The following TOLLIP variants were observed in gnomAD, a reference collection of about 807,000 sequenced individuals.
TOLLIP encodes toll-interacting protein.
A neutral mutation model predicts 33.5 loss-of-function variants in TOLLIP; 16 were observed. The observed-to-expected ratio is 0.48, with a 90% confidence interval of 0.32 to 0.72. The LOEUF (loss-of-function observed/expected upper bound fraction) is 0.72. Among genes scored for constraint, TOLLIP ranks in the 30% least tolerant of loss-of-function variants. TOLLIP has a pLI of 0.03. For synonymous variants in TOLLIP, 176 were observed against 163.7 expected (o/e 1.07, Z -0.57); for missense variants, 325 against 396.6 (o/e 0.82, Z 1.53).
intron 1 of TOLLIP, chr11:1,302,764 T>C (rs1235982881): frequency 2.0e-6 from 2 of 985,592 alleles, no homozygotes; most frequent in Non-Finnish European, 2.4e-6. Flanking sequence ...GCAACTGCTC[T>C]TGGCAAGGCA....
At position 1,286,066 on chromosome 11, in the gene TOLLIP, T is replaced by C. The variant is rs1341700563; in HGVS notation, c.546A>G (p.Pro182=). 2 of 1,599,316 alleles carry C rather than the reference T, an allele frequency of 1.3e-6. No individual in the cohort carries two copies. Among genetic ancestry groups the C allele is most frequent in the Non-Finnish European group, 1.7e-6 (2 of 1,174,300 alleles). ...YALLPAAMVM[P]PQPVVLMPTV... ...TTGGCATCAGGACCACGGGCTGGGG[T>C]GGCATCACCATGGCAGCTGGAAGCA... The change falls in exon 5 of 6, where the codon CCA becomes CCG. Residue 182 remains proline, a synonymous_variant. Coordinates refer to ENST00000317204, the MANE Select transcript of TOLLIP (RefSeq NM_019009.4).
chr11:1,278,997 C>T lies in TOLLIP; in HGVS notation c.611-1744G>A, dbSNP rs143406220. Among the ~76,000 whole-genome samples the T allele has an allele frequency of 9.0e-4, 137 of 152,320 alleles. No individual in the cohort carries two copies. Among genetic ancestry groups the T allele is most frequent in the African/African-American group, 3.2e-3 (132 of 41,578 alleles). On this transcript the variant is annotated intron_variant, in intron 5 of 5. Transcript: ENST00000317204. This position sits in a 1 kb window ranked among gnomAD's most constrained non-coding sequence, Gnocchi z 4.7. The stretch of plus-strand genomic sequence containing the variant: ...CTCGGCCATCGCCTGTCCCTGCCCA[C>T]ACGTCTCCCCACAGCGTGGCAACAT...
rs750664805 is a variant in TOLLIP, at chr11:1,290,400, C to A, written c.193G>T (p.Ala65Ser). 1.9e-6 allele frequency: 3 copies of A among 1,610,758 alleles called. No homozygotes were observed. In the South Asian group the frequency reaches 3.3e-5, roughly 18 times the overall value. ...LNITVVQAKL[A>S]KNYGMTRMDP... ...ATGCGGGTCATGCCGTAATTCTTGGCCAACTTTGCCTGGAATGAAGCCAAT... is the reference window on the plus strand; with the variant it reads ...ATGCGGGTCATGCCGTAATTCTTGGACAACTTTGCCTGGAATGAAGCCAAT... The change falls in exon 3 of 6, where the codon GCC becomes TCC. Residue 65 changes from alanine to serine, a missense_variant. Ala to Ser is a moderately conservative substitution (Grantham distance 99). Coordinates refer to ENST00000317204, the MANE Select transcript of TOLLIP (RefSeq NM_019009.4). This position sits in a 1 kb window ranked among gnomAD's most constrained non-coding sequence, Gnocchi z 4.9.
intron 5 of TOLLIP, chr11:1,283,216 G>C (rs193120829): frequency 2.4e-4 from 48 of 201,542 alleles, no homozygotes; most frequent in African/African-American, 1.1e-3. Context: ...CAGCAGCCCC[G>C]GGGAAACTCA....
At chr11:1,287,442 C>A (rs1208825079) in intron 4 of TOLLIP, among the ~76,000 whole-genome samples, 6 of 89,852 alleles carry the variant, frequency 6.7e-5, no homozygotes, top group African/African-American at 2.1e-4. Context: ...CCGCAGCCTC[C>A]CCGCCGCACC....
intron 1 of TOLLIP, among the ~76,000 whole-genome samples, chr11:1,296,875 G>C (rs1162909437): frequency 5.3e-5 from 1 of 19,022 alleles, no homozygotes; most frequent in Admixed American, 4.6e-4. Context: ...CTGGTGGAGT[G>C]GGGTGGAGGC....
intron 4 of TOLLIP, among the ~76,000 whole-genome samples, chr11:1,288,345 G>A (rs1004789122): frequency 4.6e-5 from 7 of 152,128 alleles, no homozygotes; most frequent in African/African-American, 1.7e-4. Flanking sequence ...GGGGCCTGCA[G>A]TGGAGACCAC....
chr11:1,291,225 C>G (rs981268789), intron 2 of TOLLIP: 1 of 152,248 alleles, frequency 6.6e-6, no homozygotes. Flanking sequence ...GAAAAGCCCT[C>G]GTAAGCTGGG....
At chr11:1,293,076 G>A (rs1402377870) in intron 2 of TOLLIP, among the ~76,000 whole-genome samples, 1 of 152,198 alleles carries the variant, frequency 6.6e-6, no homozygotes, top group African/African-American at 2.4e-5. Flanking sequence ...TCCAGGCCTG[G>A]ACGGGCTGAA....
At chr11:1,284,892 G>C (rs1375730286) in intron 5 of TOLLIP, among the ~76,000 whole-genome samples, 1 of 152,122 alleles carries the variant, frequency 6.6e-6, no homozygotes, top group African/African-American at 2.4e-5. Flanking sequence ...CCTTCCCATC[G>C]TCAGGGCTGG....
At chr11:1,293,128 T>G (rs1368491522) in intron 2 of TOLLIP, among the ~76,000 whole-genome samples, 1 of 151,770 alleles carries the variant, frequency 6.6e-6, no homozygotes, top group Non-Finnish European at 1.5e-5. Context: ...GGGCAAGAGG[T>G]GGACATGAAC....
chr11:1,280,801 C>T (rs551279077), intron 5 of TOLLIP, among the ~76,000 whole-genome samples: 3 of 152,178 alleles, frequency 2.0e-5, no homozygotes, highest in African/African-American at 2.4e-5. Flanking sequence ...TCCACCTCAG[C>T]GCCTGTCAGT....
intron 5 of TOLLIP, among the ~76,000 whole-genome samples, chr11:1,285,328 C>A (rs932489572): frequency 1.6e-4 from 25 of 152,382 alleles, no homozygotes; most frequent in Admixed American, 7.2e-4. Flanking sequence ...CAGGCTCCCC[C>A]CTAGCACCTC....
Position 1,277,678 on chromosome 11 carries a change from A to T in TOLLIP, c.611-425T>A, listed in dbSNP as rs2133874757. The stretch of plus-strand genomic sequence containing the variant: ...TGCATCTGGGGACGGACTACACGGA[A>T]TGTCACGCCCGCTGATCCAAACACT... On this transcript the variant is annotated intron_variant, in intron 5 of 5. Transcript: ENST00000317204. This position sits in a 1 kb window ranked among gnomAD's most constrained non-coding sequence, Gnocchi z 4.2. 1.3e-5 allele frequency among the ~76,000 whole-genome samples: 2 copies of T among 152,246 alleles called. No homozygotes were observed. Among genetic ancestry groups the T allele is most frequent in the South Asian group, 4.1e-4 (2 of 4,828 alleles).
intron 4 of TOLLIP, among the ~76,000 whole-genome samples, chr11:1,288,018 C>T (rs1030202580): frequency 9.2e-5 from 14 of 152,094 alleles, no homozygotes; most frequent in Admixed American, 4.6e-4. Flanking sequence ...AGGAGCTCTG[C>T]GTCTTGGAGC....
intron 5 of TOLLIP, chr11:1,283,444 GC>G: frequency 2.3e-6 from 1 of 427,076 alleles, no homozygotes. Flanking sequence ...TGCCAGGGAC[GC>G]CCCTGCTTAT....
intron 1 of TOLLIP, among the ~76,000 whole-genome samples, chr11:1,306,763 G>A (rs1644775166): frequency 6.6e-6 from 1 of 151,698 alleles, no homozygotes; most frequent in Admixed American, 6.6e-5. Flanking sequence ...GGCAAGTCCA[G>A]TCCTCCTGTG....
Position 1,288,171 on chromosome 11 carries a change from G to A in TOLLIP, c.519+453C>T, listed in dbSNP as rs377736201. On this transcript the variant is annotated intron_variant, in intron 4 of 5. Coordinates refer to ENST00000317204, the MANE Select transcript of TOLLIP (RefSeq NM_019009.4). ...AGCACAGCAGCCCCCAGGCTTCCCC[G>A]ACATCTCCAGAGATGCCCTGCCACA... is the stretch of plus-strand genomic sequence containing the variant. Among the ~76,000 whole-genome samples, 3 of 152,214 alleles carry A rather than the reference G, an allele frequency of 2.0e-5. No individual in the cohort carries two copies. The East Asian group carries it at 5.8e-4, about 30-fold the overall frequency.
chr11:1,288,644 T>C lies in TOLLIP; in HGVS notation c.499A>G (p.Asn167Asp). Residue 167 changes from asparagine to aspartate, a missense_variant, in exon 4 of 6, where the codon AAC becomes GAC. Transcript: ENST00000317204. ...RQGDDKEGMI[N>D]LVMSYALLPA... ...CTCACCGCGTAGGACATGACGAGGT[T>C]GATCATGCCCTCCTTGTCGTCCCCC... The C allele has an allele frequency of 6.2e-7, 1 of 1,612,622 alleles. No individual in the cohort carries two copies. Among genetic ancestry groups the C allele is most frequent in the South Asian group, 1.1e-5 (1 of 91,062 alleles).
Sources: allele counts gnomAD v4.1 joint callset (sites outside exome capture counted in the v4.1 genomes callset), GRCh38; gene constraint gnomAD v4.1.1; non-coding constraint Gnocchi (gnomAD v3.1); transcripts MANE v1.5; gene names NCBI Gene and HGNC (gene_info 2026-07-23, HGNC 2026-07-21).